ARAP2: variants seen among roughly 807,000 people sequenced by gnomAD.
ARAP2 encodes ArfGAP with RhoGAP domain, ankyrin repeat and PH domain 2.
Under a neutral mutation model 194.5 loss-of-function variants are expected in ARAP2, and 148 were observed. That is an observed-to-expected ratio of 0.76 (90% CI 0.67 to 0.87). ARAP2 has a LOEUF of 0.87. ARAP2 is among the 40% of genes least tolerant of loss of function. The probability of loss-of-function intolerance (pLI) is 0.00; values close to 1 mark genes in which losing one functional copy is unlikely to be tolerated. For synonymous variants in ARAP2, 695 were observed against 683.5 expected, an observed-to-expected ratio of 1.02 and a Z score of -0.26; for missense variants, 2,128 against 1,989.7, an observed-to-expected ratio of 1.07 and a Z score of -1.32.
rs542427328 is a variant in ARAP2, at chr4:36,238,529, G to A, written c.-160+5650C>T. Among the ~76,000 whole-genome samples the A allele has an allele frequency of 2.0e-5, 3 of 152,300 alleles. No individual in the cohort carries two copies. The South Asian group carries it at 6.2e-4, about 32-fold the overall frequency. ...GTAAAGAGGTAGCAAAGACTTAATA[G>A]TCTCCCTCTCCTTTGTCTAGCTGTT... is the stretch of plus-strand genomic sequence containing the variant. On this transcript the variant is annotated intron_variant, in intron 1 of 32. Transcript: ENST00000303965.
chr4:36,077,649 T>C (rs961555298), intron 31 of ARAP2, among the ~76,000 whole-genome samples: 4 of 152,104 alleles, frequency 2.6e-5, no homozygotes, highest in African/African-American at 4.8e-5. Context: ...TTCTTTCCTA[T>C]AGCTGTTCAT....
intron 19 of ARAP2, among the ~76,000 whole-genome samples, chr4:36,140,661 G>A (rs926678999): frequency 6.6e-6 from 1 of 151,672 alleles, no homozygotes; most frequent in Non-Finnish European, 1.5e-5. Flanking sequence ...GGGGAGAAAA[G>A]ATCATATGGA....
intron 1 of ARAP2, among the ~76,000 whole-genome samples, chr4:36,236,579 G>GA (rs1048251986): frequency 1.3e-5 from 2 of 152,018 alleles, no homozygotes; most frequent in African/African-American, 2.4e-5. Flanking sequence ...ACACAACTAA[G>GA]AAAAAAAGCT....
chr4:36,141,281 C>T (rs1276703719), intron 19 of ARAP2, among the ~76,000 whole-genome samples: 1 of 151,464 alleles, frequency 6.6e-6, no homozygotes, highest in Non-Finnish European at 1.5e-5. Context: ...AAGAAAAGCA[C>T]AGGATCTAAG....
At chr4:36,012,156 T>A (rs1322072592) in intron 9 of ARAP2, among the ~76,000 whole-genome samples, 2 of 152,214 alleles carry the variant, frequency 1.3e-5, no homozygotes, top group Non-Finnish European at 2.9e-5. Flanking sequence ...TCAGTTGTGA[T>A]TTCTAGGCTC....
chr4:36,019,368 A>T (rs1329353590), intron 5 of ARAP2: 1 of 149,272 alleles, frequency 6.7e-6, no homozygotes, highest in Non-Finnish European at 1.5e-5. Context: ...TTTTCAATGT[A>T]CTAGGAGCTC....
chr4:36,230,000 T>C (rs575849671), intron 1 of ARAP2, among the ~76,000 whole-genome samples: 3 of 152,336 alleles, frequency 2.0e-5, no homozygotes, highest in East Asian at 3.9e-4. Flanking sequence ...AAGATGTATA[T>C]AGTTCATCAG....
intron 28 of ARAP2, 117 bp downstream of exon 28, chr4:36,091,764 A>T: frequency 8.9e-7 from 1 of 1,117,984 alleles, no homozygotes; most frequent in Non-Finnish European, 1.2e-6. Flanking sequence ...TCATCAGCTT[A>T]CCATGCATTT....
chr4:36,129,606 C>A (rs1220819411), intron 20 of ARAP2, among the ~76,000 whole-genome samples: 3 of 151,802 alleles, frequency 2.0e-5, no homozygotes, highest in African/African-American at 2.4e-5. Flanking sequence ...AATTTCATAT[C>A]TCTTTTTTCT....
At chr4:36,232,499 G>A (rs1210988571) in intron 1 of ARAP2, among the ~76,000 whole-genome samples, 1 of 152,168 alleles carries the variant, frequency 6.6e-6, no homozygotes, top group Non-Finnish European at 1.5e-5. Context: ...TTTCCTATGA[G>A]ACAGGCATTC....
At position 36,049,983 on chromosome 4, in the gene ARAP2, T is replaced by C. The variant is rs150332328; in HGVS notation, n.369+2023A>G. 3.1e-4 allele frequency among the ~76,000 whole-genome samples: 47 copies of C among 152,274 alleles called. No individual in the cohort carries two copies. In the East Asian group the frequency reaches 8.7e-3, roughly 28 times the overall value. On this transcript the variant is annotated intron_variant and non_coding_transcript_variant, in intron 3 of 12. Transcript: ENST00000503225. ...AATTTATTTTTGCGGTAATTAGTTT[T>C]TTACTTATTGATGTATTTGTTAACC...
At chr4:36,023,795 C>T (rs888533886) in intron 5 of ARAP2, among the ~76,000 whole-genome samples, 2 of 152,124 alleles carry the variant, frequency 1.3e-5, no homozygotes, top group Admixed American at 6.6e-5. Flanking sequence ...TGATGCGAAA[C>T]TTAATTGGAA....
At chr4:36,136,107 A>G (rs1338864766) in intron 19 of ARAP2, among the ~76,000 whole-genome samples, 1 of 151,832 alleles carries the variant, frequency 6.6e-6, no homozygotes, top group Non-Finnish European at 1.5e-5. Flanking sequence ...GCATTGGTGC[A>G]CTAACTTTCC....
intron 5 of ARAP2, among the ~76,000 whole-genome samples, chr4:36,031,113 A>G (rs1332514795): frequency 6.6e-6 from 1 of 152,208 alleles, no homozygotes; most frequent in Admixed American, 6.5e-5. Flanking sequence ...GTGGAGACAG[A>G]GCAAGACTCG....
intron 5 of ARAP2, among the ~76,000 whole-genome samples, chr4:36,044,266 A>C (rs1173654364): frequency 6.6e-6 from 1 of 152,198 alleles, no homozygotes; most frequent in Admixed American, 6.5e-5. Flanking sequence ...TCTCGATTAG[A>C]AGTAGTTTGT....
intron 2 of ARAP2, among the ~76,000 whole-genome samples, chr4:36,219,085 G>C (rs1314275714): frequency 6.6e-6 from 1 of 152,000 alleles, no homozygotes; most frequent in African/African-American, 2.4e-5. Flanking sequence ...AAATGTTGAG[G>C]GTATGAAACA....
intron 3 of ARAP2, among the ~76,000 whole-genome samples, chr4:36,214,033 T>A (rs535079472): frequency 6.6e-6 from 1 of 152,288 alleles, no homozygotes; most frequent in East Asian, 1.9e-4. Flanking sequence ...CCTCTGTCAC[T>A]GTTCAATTTG....
chr4:36,203,593 A>G (rs1744909600), intron 6 of ARAP2, among the ~76,000 whole-genome samples: 1 of 151,782 alleles, frequency 6.6e-6, no homozygotes, highest in Admixed American at 6.6e-5. Flanking sequence ...CAAAAAAACA[A>G]AACAAAACAA....
intron 31 of ARAP2, among the ~76,000 whole-genome samples, chr4:36,079,035 A>T (rs1191784917): frequency 2.0e-5 from 3 of 151,868 alleles, no homozygotes; most frequent in Admixed American, 6.6e-5. Context: ...TTAGCTGGGC[A>T]CGGTGGTGCA....
Sources: allele counts gnomAD v4.1 joint callset (sites outside exome capture counted in the v4.1 genomes callset), GRCh38; gene constraint gnomAD v4.1.1; transcripts MANE v1.5; gene names NCBI Gene and HGNC (gene_info 2026-07-23, HGNC 2026-07-21).